The following COL19A1 variants were observed in gnomAD, a reference collection of about 807,000 sequenced individuals.
The protein encoded by COL19A1 is collagen alpha-1(XIX) chain.
In COL19A1, 159 loss-of-function variants were observed where a neutral mutation model predicts 190.2. The observed-to-expected ratio is 0.84, with a 90% CI of 0.73 to 0.95. COL19A1 has a LOEUF of 0.95. Among genes scored for constraint, COL19A1 ranks in the 40% least tolerant of loss-of-function variants. The pLI is 0.00. For synonymous variants in COL19A1, 509 were observed against 458.9 expected (o/e 1.11, Z -1.39); for missense variants, 1,418 against 1,431.9 (o/e 0.99, Z 0.16).
At chr6:69,937,156 G>T (rs151223320) in intron 8 of COL19A1, among the ~76,000 whole-genome samples, 2 of 152,128 alleles carry the variant, frequency 1.3e-5, no homozygotes, top group Non-Finnish European at 2.9e-5. Context: ...GAAAAGTGAA[G>T]GGAGGAACTA....
intron 7 of COL19A1, among the ~76,000 whole-genome samples, chr6:69,933,180 A>C (rs934838389): frequency 1.3e-5 from 2 of 151,998 alleles, no homozygotes; most frequent in Admixed American, 1.3e-4. Context: ...TAAATCTGTG[A>C]TCATACTTTA....
chr6:70,151,287 C>A, intron 30 of COL19A1, 110 bp from the exon 31 acceptor site: 1 of 996,088 alleles, frequency 1.0e-6, no homozygotes, highest in South Asian at 1.6e-5. Context: ...AGTGAGACAC[C>A]AGAAGCTTCA....
intron 42 of COL19A1, among the ~76,000 whole-genome samples, chr6:70,177,226 A>G (rs1209967086): frequency 6.6e-6 from 1 of 152,194 alleles, no homozygotes; most frequent in Non-Finnish European, 1.5e-5. Flanking sequence ...TATGAATAAG[A>G]GGCCATTTAT....
chr6:69,930,383 C>T (rs184907416), intron 6 of COL19A1, among the ~76,000 whole-genome samples: 4 of 152,130 alleles, frequency 2.6e-5, no homozygotes, highest in Admixed American at 6.6e-5. Flanking sequence ...GATGGCTGCA[C>T]GTTTTCTTAG....
chr6:70,005,567 C>A (rs888782421), intron 11 of COL19A1, among the ~76,000 whole-genome samples: 2 of 152,144 alleles, frequency 1.3e-5, no homozygotes, highest in African/African-American at 4.8e-5. Flanking sequence ...AGGGCACCAA[C>A]CTGATGCCAG....
intron 4 of COL19A1, among the ~76,000 whole-genome samples, chr6:69,907,997 G>A (rs909911175): frequency 1.3e-5 from 2 of 152,198 alleles, no homozygotes; most frequent in African/African-American, 4.8e-5. Context: ...CAACTGAGAT[G>A]TATTGCCTTC....
At chr6:70,140,352 A>G (rs919736038) in intron 19 of COL19A1, among the ~76,000 whole-genome samples, 1 of 152,054 alleles carries the variant, frequency 6.6e-6, no homozygotes, top group South Asian at 2.1e-4. Context: ...AAATTTGTAT[A>G]ATTTTTATTG....
intron 11 of COL19A1, among the ~76,000 whole-genome samples, chr6:70,001,261 G>A (rs764256997): frequency 5.3e-5 from 8 of 152,116 alleles, no homozygotes; most frequent in Non-Finnish European, 1.2e-4. Context: ...ATGCTGTTTT[G>A]GTTACTGTAG....
chr6:69,909,807 C>T (rs572582793), intron 4 of COL19A1, among the ~76,000 whole-genome samples: 33 of 152,242 alleles, frequency 2.2e-4, no homozygotes, highest in African/African-American at 7.7e-4. Flanking sequence ...TAATGAAAGT[C>T]TACGGTCATT....
At chr6:70,145,895 AT>A in intron 25 of COL19A1, among the ~76,000 whole-genome samples, 1 of 151,722 alleles carries the variant, frequency 6.6e-6, no homozygotes, top group East Asian at 1.9e-4. Context: ...TGATTTTTAT[AT>A]TTTTTGTATA....
chr6:70,118,686 T>C (rs555507395), intron 16 of COL19A1, among the ~76,000 whole-genome samples: 108 of 152,332 alleles, frequency 7.1e-4, no homozygotes, highest in African/African-American at 2.5e-3. Flanking sequence ...ATAAGACATT[T>C]TGTGACAAAA....
At chr6:69,887,337 G>GT (rs1327624021) in intron 2 of COL19A1, among the ~76,000 whole-genome samples, 1 of 152,070 alleles carries the variant, frequency 6.6e-6, no homozygotes, top group Admixed American at 6.5e-5. Flanking sequence ...TAAGAATGGA[G>GT]TTTTTTTGAG....
chr6:70,131,556 T>C (rs1412487962), intron 18 of COL19A1, among the ~76,000 whole-genome samples: 2 of 152,210 alleles, frequency 1.3e-5, no homozygotes, highest in African/African-American at 4.8e-5. Context: ...TTAGATTTTA[T>C]TGCTAGTACA....
At chr6:69,924,912 T>C (rs1283528111) in intron 4 of COL19A1, among the ~76,000 whole-genome samples, 8 of 152,198 alleles carry the variant, frequency 5.3e-5, no homozygotes, top group Non-Finnish European at 1.0e-4. Flanking sequence ...TCACATCCTT[T>C]GCCCACTTTT....
At chr6:69,991,963 G>T (rs950287400) in intron 11 of COL19A1, among the ~76,000 whole-genome samples, 1 of 152,082 alleles carries the variant, frequency 6.6e-6, no homozygotes, top group Non-Finnish European at 1.5e-5. Context: ...TCTTCATCAT[G>T]AAATCTTTGC....
chr6:70,167,942 G>C, intron 37 of COL19A1, 83 bp from the exon 38 acceptor site: 1 of 993,526 alleles, frequency 1.0e-6, no homozygotes, highest in Non-Finnish European at 1.5e-6. Flanking sequence ...AATAGGAATA[G>C]TATCATTTGG....
chr6:70,072,419 C>T (rs1462854111), intron 15 of COL19A1, among the ~76,000 whole-genome samples: 1 of 152,116 alleles, frequency 6.6e-6, no homozygotes, highest in Non-Finnish European at 1.5e-5. Flanking sequence ...TAGTTACTGC[C>T]GCAAACAGAA....
At chr6:70,002,210 G>A (rs1229463344) in intron 11 of COL19A1, among the ~76,000 whole-genome samples, 5 of 152,162 alleles carry the variant, frequency 3.3e-5, no homozygotes, top group South Asian at 4.1e-4. Flanking sequence ...TCCCAGGGAC[G>A]AAGCCAACTT....
At chr6:69,959,591 G>C (rs932689376) in intron 9 of COL19A1, among the ~76,000 whole-genome samples, 3 of 152,136 alleles carry the variant, frequency 2.0e-5, no homozygotes, top group Non-Finnish European at 1.5e-5. Flanking sequence ...CTGCCTGATA[G>C]TTTTGTTGTC....
Sources: allele counts gnomAD v4.1 joint callset (sites outside exome capture counted in the v4.1 genomes callset), GRCh38; gene constraint gnomAD v4.1.1; transcripts MANE v1.5; gene names NCBI Gene and HGNC (gene_info 2026-07-23, HGNC 2026-07-21).